STK17A: variants seen among roughly 807,000 people sequenced by gnomAD.
The protein encoded by STK17A is serine/threonine kinase 17a.
Under a neutral mutation model 43.7 loss-of-function variants are expected in STK17A, and 26 were observed. The observed-to-expected ratio is 0.60, with a 90% CI of 0.44 to 0.83. The LOEUF is 0.83. STK17A is among the 40% of genes least tolerant of loss of function. The pLI is 0.00. For missense variants in STK17A, 476 were observed against 511.6 expected, an observed-to-expected ratio of 0.93 and a Z score of 0.67; for synonymous variants, 191 against 182.5, an observed-to-expected ratio of 1.05 and a Z score of -0.38.
At position 43,583,308 on chromosome 7, in the gene STK17A, G is replaced by A. The variant is rs1052869241; in HGVS notation, c.65G>A (p.Arg22Gln). The change falls in exon 1 of 7, where the codon CGG becomes CAG. Residue 22 changes from arginine (R) to glutamine (Q), a missense_variant. Arg to Gln is a conservative substitution (Grantham distance 43). Transcript: ENST00000319357. ...CCAGGCGCCACCTCAGGCTCGGGCC[G>A]GGCAGGCCGGGGTCTGAGCGGGCCG... is the stretch of plus-strand genomic sequence containing the variant. ...SSPGATSGSG[R>Q]AGRGLSGPCR... 2 of 1,514,612 alleles carry A rather than the reference G, an allele frequency of 1.3e-6. No individual in the cohort carries two copies. The highest frequency in any genetic ancestry group is 1.8e-6 in the Non-Finnish European group (2 of 1,133,940). 93.8% of individuals were successfully genotyped at this position (1,514,612 alleles called of 1,614,324 possible). A position where few individuals can be genotyped will look rare whatever the true frequency, so the allele number is the denominator to read the frequency against.
At chr7:43,594,260 A>G (rs1292765249) in intron 1 of STK17A, among the ~76,000 whole-genome samples, 10 of 73,686 alleles carry the variant, frequency 1.4e-4, no homozygotes, top group African/African-American at 6.5e-4. Context: ...CCTGTCTCTT[A>G]AAGGAAAAAA....
Position 43,623,810 on chromosome 7 carries a change from G to T in STK17A, c.842G>T (p.Ser281Ile). 1 of 1,605,604 alleles carries T rather than the reference G, an allele frequency of 6.2e-7. No homozygotes were observed. The part of the protein sequence containing the change: ...TFLNISQMNL[S>I]YSEEEFDVLS... ...TTAAACATCTCACAGATGAATTTAA[G>T]TTATTCTGAGGAAGAATTTGATGTT... The change falls in exon 6 of 7, where the codon AGT (serine) becomes ATT (isoleucine). Residue 281 changes from serine (S) to isoleucine (I), a missense_variant. By Grantham distance (142) the Ser-to-Ile change is moderately radical. Coordinates refer to ENST00000319357, the MANE Select transcript of STK17A (RefSeq NM_004760.3).
chr7:43,623,344 A>G, intron 4 of STK17A: 1 of 481,686 alleles, frequency 2.1e-6, no homozygotes, highest in Non-Finnish European at 3.6e-6. Flanking sequence ...ATTTTGTAAA[A>G]TACTAGGGAC....
At chr7:43,608,469 A>T in intron 3 of STK17A, 69 bp downstream of exon 3, 2 of 1,521,022 alleles carry the variant, frequency 1.3e-6, no homozygotes, top group Non-Finnish European at 1.8e-6. Context: ...TTTAACAGTG[A>T]TTTATTCAAA....
At chr7:43,590,103 G>A (rs1433886597) in intron 1 of STK17A, among the ~76,000 whole-genome samples, 1 of 149,746 alleles carries the variant, frequency 6.7e-6, no homozygotes, top group East Asian at 1.9e-4. Flanking sequence ...ACACAACCAC[G>A]CCTGTCTAAT....
intron 4 of STK17A, among the ~76,000 whole-genome samples, chr7:43,622,049 G>A (rs907878071): frequency 2.0e-5 from 3 of 152,190 alleles, no homozygotes; most frequent in African/African-American, 7.2e-5. Flanking sequence ...TAGGGAATTT[G>A]TAAGGATTTC....
At chr7:43,596,728 C>T (rs1019583636) in intron 2 of STK17A, among the ~76,000 whole-genome samples, 1 of 151,854 alleles carries the variant, frequency 6.6e-6, no homozygotes, top group East Asian at 1.9e-4. Flanking sequence ...ATTAGCCTGG[C>T]GTGGTGGCAT....
chr7:43,624,054 C>A (rs2084219196), intron 6 of STK17A, among the ~76,000 whole-genome samples, 166 bp downstream of exon 6: 1 of 151,870 alleles, frequency 6.6e-6, no homozygotes, highest in South Asian at 2.1e-4. Flanking sequence ...TAGGTGAAAC[C>A]CTTGGCTTAA....
chr7:43,623,339 G>A (rs2084120792), intron 4 of STK17A: 1 of 446,014 alleles, frequency 2.2e-6, no homozygotes, highest in Non-Finnish European at 3.9e-6. Context: ...TAAATATTTT[G>A]TAAAATACTA....
intron 1 of STK17A, among the ~76,000 whole-genome samples, chr7:43,594,798 T>C (rs2082503254): frequency 6.6e-6 from 1 of 150,652 alleles, no homozygotes; most frequent in South Asian, 2.1e-4. Flanking sequence ...TGGAGGCTCA[T>C]GCCTTTAATC....
chr7:43,604,969 A>G (rs913039560), intron 2 of STK17A, among the ~76,000 whole-genome samples: 4 of 152,216 alleles, frequency 2.6e-5, no homozygotes, highest in African/African-American at 7.2e-5. Flanking sequence ...TCTGCTATAA[A>G]GACTATCCAA....
intron 1 of STK17A, among the ~76,000 whole-genome samples, chr7:43,589,035 G>A (rs2082462342): frequency 6.6e-6 from 1 of 151,440 alleles, no homozygotes; most frequent in African/African-American, 2.4e-5. Flanking sequence ...AAGAATGGAT[G>A]GAATTTCAGT....
chr7:43,592,957 C>T (rs1301640701), intron 1 of STK17A, among the ~76,000 whole-genome samples: 1 of 152,194 alleles, frequency 6.6e-6, no homozygotes, highest in African/African-American at 2.4e-5. Context: ...TTCAGGGGTA[C>T]AAGTGCATTT....
chr7:43,617,602 G>A (rs985376086), intron 3 of STK17A, among the ~76,000 whole-genome samples: 2 of 152,272 alleles, frequency 1.3e-5, no homozygotes. Context: ...ATTTAGGAAG[G>A]AAAATAGGAG....
chr7:43,595,167 T>C (rs2082506276), intron 1 of STK17A, among the ~76,000 whole-genome samples: 1 of 152,138 alleles, frequency 6.6e-6, no homozygotes, highest in East Asian at 1.9e-4. Context: ...GTGAGATCCT[T>C]ACCTTTAGAA....
intron 2 of STK17A, among the ~76,000 whole-genome samples, chr7:43,607,040 C>T (rs1234917545): frequency 2.0e-5 from 3 of 148,588 alleles, no homozygotes; most frequent in Non-Finnish European, 3.0e-5. Flanking sequence ...TCTCCTGCCT[C>T]AGCCTCCTGA....
chr7:43,626,475 C>G lies in STK17A; in HGVS notation c.*1633C>G, dbSNP rs2084555659. ...TCTCACTAAATTGGCTTTATTTATA[C>G]AGTTTCCTGGAACCTAGCATTCCTA... On this transcript the variant is annotated 3_prime_UTR_variant, in exon 7 of 7. Coordinates refer to ENST00000319357, the MANE Select transcript of STK17A (RefSeq NM_004760.3). 6.6e-6 allele frequency: 1 copy of G among 152,164 alleles called. No individual in the cohort carries two copies. Among genetic ancestry groups the G allele is most frequent in the African/African-American group, 2.4e-5 (1 of 41,440 alleles). The allele number at this position is 152,164 out of a possible 1,614,324, so 9.4% of individuals were successfully genotyped here. A position where few individuals can be genotyped will look rare whatever the true frequency, so the allele number is the denominator to read the frequency against.
In STK17A at chr7:43,583,311, C is replaced by A; in HGVS notation, c.68C>A (p.Ala23Glu). ...GGCGCCACCTCAGGCTCGGGCCGGG[C>A]AGGCCGGGGTCTGAGCGGGCCGTGC... ...SPGATSGSGR[A>E]GRGLSGPCRP... Residue 23 changes from alanine (A) to glutamate (E), a missense_variant, in exon 1 of 7, where the codon GCA becomes GAA. By Grantham distance (107) the Ala-to-Glu change is moderately radical. This residue lies in a region of STK17A where 320 missense variants were observed against 326.3 expected (regional missense o/e 0.98). Transcript: ENST00000319357. 6.6e-7 allele frequency: 1 copy of A among 1,514,684 alleles called. No homozygotes were observed. Among genetic ancestry groups the A allele is most frequent in the Non-Finnish European group, 8.8e-7 (1 of 1,134,054 alleles). 93.8% of individuals were successfully genotyped at this position (1,514,684 alleles called of 1,614,324 possible). A position where few individuals can be genotyped will look rare whatever the true frequency, so the allele number is the denominator to read the frequency against.
intron 3 of STK17A, among the ~76,000 whole-genome samples, chr7:43,610,824 AG>A (rs2082803914): frequency 6.6e-6 from 1 of 151,914 alleles, no homozygotes; most frequent in South Asian, 2.1e-4. Flanking sequence ...ACTCTCAAGA[AG>A]GAGTGTACAG....
Sources: gnomAD v4.1 joint callset for allele counts (sites outside exome capture counted in the v4.1 genomes callset) on GRCh38, gnomAD v4.1.1 for gene constraint, gnomAD v4.1.1 regional missense constraint, MANE v1.5 for transcripts, NCBI Gene and HGNC (gene_info 2026-07-23, HGNC 2026-07-21) for gene names.